ABCC1: variants seen among roughly 807,000 people sequenced by gnomAD.
The protein encoded by ABCC1 is ATP binding cassette subfamily C member 1 (ABCC1 blood group).
ABCC1 carries 83 observed loss-of-function variants against 172.9 expected under a neutral mutation model. That is an observed-to-expected ratio of 0.48 (90% CI 0.40 to 0.58). The LOEUF (loss-of-function observed/expected upper bound fraction) is 0.58, where lower values mean the gene tolerates loss of function less well. Ranked by LOEUF, ABCC1 falls within the 20% of genes least tolerant of loss-of-function variation. The pLI, the probability that ABCC1 is intolerant of heterozygous loss-of-function variation, is 0.00. For missense variants in ABCC1, 1,817 were observed against 2,002.7 expected, an observed-to-expected ratio of 0.91 and a Z score of 1.77; for synonymous variants, 937 against 825.2, an observed-to-expected ratio of 1.14 and a Z score of -2.32.
chr16:16,111,036 G>C (rs1406583729), intron 21 of ABCC1, among the ~76,000 whole-genome samples: 3 of 152,076 alleles, frequency 2.0e-5, no homozygotes, highest in African/African-American at 7.2e-5. Flanking sequence ...AATTAGCTGG[G>C]ATTACAGATG....
intron 1 of ABCC1, among the ~76,000 whole-genome samples, chr16:16,007,248 GA>G (rs1440553424): frequency 6.6e-6 from 1 of 151,854 alleles, no homozygotes; most frequent in Non-Finnish European, 1.5e-5. Flanking sequence ...GTGTGTGAGA[GA>G]CAGGGTCTCG....
intron 3 of ABCC1, among the ~76,000 whole-genome samples, chr16:16,013,553 A>G (rs77806462): frequency 0.25 from 35,203 of 138,558 alleles, 5,169 homozygotes; most frequent in African/African-American, 0.42. Flanking sequence ...GAGCCACTGC[A>G]CCTGGCTGAT....
Position 16,045,960 on chromosome 16 carries a change from T to C in ABCC1, c.1165T>C (p.Phe389Leu), listed in dbSNP as rs780178913. ...GCTGCACCAGTACTTCCACATCTGC[T>C]TCGTCAGTGGCATGAGGATCAAGAC... ...LVLHQYFHIC[F>L]VSGMRIKTAV... Residue 389 changes from phenylalanine (F) to leucine (L), a missense_variant, in exon 9 of 31, where the codon TTC (phenylalanine) becomes CTC (leucine). Transcript: ENST00000399410. 1 of 1,614,178 alleles carries C rather than the reference T, an allele frequency of 6.2e-7. No homozygotes were observed. Among genetic ancestry groups the C allele is most frequent in the East Asian group, 2.2e-5 (1 of 44,876 alleles).
At chr16:15,989,769 C>T (rs1289259693) in intron 1 of ABCC1, among the ~76,000 whole-genome samples, 1 of 152,172 alleles carries the variant, frequency 6.6e-6, no homozygotes, top group Non-Finnish European at 1.5e-5. Flanking sequence ...GGAATCATTA[C>T]AGTACCTTCC....
intron 1 of ABCC1, among the ~76,000 whole-genome samples, chr16:15,965,168 C>T (rs757814612): frequency 2.6e-5 from 4 of 152,108 alleles, no homozygotes; most frequent in Admixed American, 6.5e-5. Context: ...CATGTACCCA[C>T]GTAACCTTTT....
At position 16,045,875 on chromosome 16, in the gene ABCC1, C is replaced by T. The variant is rs369559292; in HGVS notation, c.1080C>T (p.Asp360=). The T allele has an allele frequency of 5.9e-5, 96 of 1,614,084 alleles. No homozygotes were observed. The African/African-American group carries it at 1.1e-3, about 19-fold the overall frequency. ...TCGTGAATGACACGAAGGCCCCAGA[C>T]TGGCAGGGCTACTTCTACACCGTGC... ...IKFVNDTKAP[D]WQGYFYTVLL... Residue 360 remains aspartate, a synonymous_variant, in exon 9 of 31, where the codon GAC becomes GAT. Transcript: ENST00000399410.
chr16:16,073,885 G>A (rs189085465), intron 14 of ABCC1, among the ~76,000 whole-genome samples: 4 of 152,360 alleles, frequency 2.6e-5, no homozygotes, highest in East Asian at 3.9e-4. Flanking sequence ...AAGATTGAAT[G>A]TGTGTAAACG....
chr16:16,104,699 C>G (rs1365453992), intron 20 of ABCC1, among the ~76,000 whole-genome samples: 9 of 152,202 alleles, frequency 5.9e-5, no homozygotes, highest in Non-Finnish European at 1.3e-4. Flanking sequence ...GTGGAAGGGA[C>G]TGGGCGCCAT....
rs1180860816 is a variant in ABCC1, at chr16:16,136,460, T to C, written c.4126-18T>C. The stretch of plus-strand genomic sequence containing the variant: ...GACACAGGTGTCACATGCCGTCCAC[T>C]CTCTTCTCTCTGAACAGGACCCTGT... On this transcript the variant is annotated intron_variant, in intron 28 of 30. Coordinates refer to ENST00000399410, the MANE Select transcript of ABCC1 (RefSeq NM_004996.4). 2 of 1,613,172 alleles carry C rather than the reference T, an allele frequency of 1.2e-6. No individual in the cohort carries two copies. The highest frequency in any genetic ancestry group is 1.7e-6 in the Non-Finnish European group (2 of 1,179,450).
At chr16:16,085,506 G>A (rs890107245) in intron 17 of ABCC1, among the ~76,000 whole-genome samples, 1 of 152,210 alleles carries the variant, frequency 6.6e-6, no homozygotes, top group African/African-American at 2.4e-5. Context: ...TTGGCTGGGC[G>A]CGGTAGCTCA....
chr16:15,978,136 G>A (rs959260886), intron 1 of ABCC1, among the ~76,000 whole-genome samples: 1 of 152,104 alleles, frequency 6.6e-6, no homozygotes, highest in South Asian at 2.1e-4. Context: ...TTGGGAGGCC[G>A]AGCAGGGAGG....
At chr16:15,994,080 A>C (rs1434520939) in intron 1 of ABCC1, among the ~76,000 whole-genome samples, 1 of 152,146 alleles carries the variant, frequency 6.6e-6, no homozygotes, top group African/African-American at 2.4e-5. Flanking sequence ...TTAGCCAGGC[A>C]TGGTGATGCG....
intron 12 of ABCC1, among the ~76,000 whole-genome samples, chr16:16,060,563 C>T (rs1023798328): frequency 6.6e-6 from 1 of 152,068 alleles, no homozygotes; most frequent in African/African-American, 2.4e-5. Context: ...CACTCTGTCA[C>T]CCAGGCTGAA....
At chr16:15,965,246 T>G (rs546009305) in intron 1 of ABCC1, among the ~76,000 whole-genome samples, 2 of 152,230 alleles carry the variant, frequency 1.3e-5, no homozygotes, top group South Asian at 4.1e-4. Context: ...ATAATTATTA[T>G]CTGTGGTTTG....
chr16:15,989,526 C>T (rs778649003), intron 1 of ABCC1, among the ~76,000 whole-genome samples: 6 of 152,170 alleles, frequency 3.9e-5, no homozygotes, highest in African/African-American at 7.2e-5. Context: ...GGGCCTCTTG[C>T]ACTCCTTTTC....
intron 1 of ABCC1, among the ~76,000 whole-genome samples, chr16:15,992,676 C>T (rs2046908504): frequency 6.6e-6 from 1 of 152,222 alleles, no homozygotes; most frequent in South Asian, 2.1e-4. Context: ...GCTGGGATTA[C>T]AGGCGTGAGC....
chr16:15,977,631 C>T (rs2046524912), intron 1 of ABCC1, among the ~76,000 whole-genome samples: 2 of 152,082 alleles, frequency 1.3e-5, no homozygotes, highest in African/African-American at 4.8e-5. Context: ...CACCTTGGCC[C>T]TTCGAGATGG....
chr16:16,000,022 T>G (rs765637179), intron 1 of ABCC1, among the ~76,000 whole-genome samples: 3 of 150,118 alleles, frequency 2.0e-5, no homozygotes, highest in African/African-American at 7.3e-5. Flanking sequence ...GCCTGGCTAA[T>G]TTTTGTATTT....
intron 5 of ABCC1, 57 bp downstream of exon 5, chr16:16,016,678 A>T: frequency 6.2e-7 from 1 of 1,603,604 alleles, no homozygotes; most frequent in Non-Finnish European, 8.5e-7. Flanking sequence ...GATGCGTGAC[A>T]CAGTACCAGC....
Sources: allele counts gnomAD v4.1 joint callset (sites outside exome capture counted in the v4.1 genomes callset), GRCh38; gene constraint gnomAD v4.1.1; transcripts MANE v1.5; gene names NCBI Gene and HGNC (gene_info 2026-07-23, HGNC 2026-07-21).